The following ABR variants were observed in gnomAD, a reference collection of about 807,000 sequenced individuals.
The protein encoded by ABR is active breakpoint cluster region-related protein.
A neutral mutation model predicts 107.2 loss-of-function variants in ABR; 35 were observed. That is an observed-to-expected ratio of 0.33 (90% CI 0.25 to 0.43). The LOEUF (loss-of-function observed/expected upper bound fraction) is 0.43. Among genes scored for constraint, ABR ranks in the 20% least tolerant of loss-of-function variants. The probability of loss-of-function intolerance (pLI) is 1.00; values close to 1 mark genes in which losing one functional copy is unlikely to be tolerated. For missense variants in ABR, 815 were observed against 1,115.2 expected (o/e 0.73, Z 3.83); for synonymous variants, 498 against 462.0 (o/e 1.08, Z -1.00).
chr17:1,173,689 G>A (rs924708067), intron 1 of ABR, among the ~76,000 whole-genome samples: 2 of 152,084 alleles, frequency 1.3e-5, no homozygotes, highest in Non-Finnish European at 2.9e-5. Context: ...AAGGAGCCAA[G>A]AACTCGAGTT....
At position 1,157,249 on chromosome 17, in the gene ABR, CT is replaced by C. The variant is rs545131491; in HGVS notation, c.61+22417del. ...GTCAGTCGTGCTACAGCGCACATTA[CT>C]TTTTTTTTTTTTTTTTTTGAGATGA... is the stretch of plus-strand genomic sequence containing the variant. On this transcript the variant is annotated intron_variant, in intron 1 of 22. Coordinates refer to ENST00000302538, the MANE Select transcript of ABR (RefSeq NM_021962.5). The surrounding 1 kb of genome is among the most constrained non-coding windows in gnomAD (Gnocchi z 4.7). 0.44 allele frequency among the ~76,000 whole-genome samples: 53,930 copies of C among 121,632 alleles called. 10,586 individuals are homozygous for C. The highest frequency in any genetic ancestry group is 0.52 in the East Asian group (2,113 of 4,072). 79.8% of individuals were successfully genotyped at this position (121,632 alleles called of 152,430 possible).
intron 4 of ABR, 34 bp from the exon 5 acceptor site, chr17:1,083,661 AG>A: frequency 2.1e-6 from 2 of 952,098 alleles, no homozygotes; most frequent in Non-Finnish European, 3.3e-6. Context: ...GAGGGAGAGG[AG>A]GGTGGGAGGG....
chr17:1,031,540 CG>C, intron 16 of ABR: 4 of 498,472 alleles, frequency 8.0e-6, no homozygotes, highest in Admixed American at 4.9e-5. Context: ...CGCAGCCCCC[CG>C]AGCCCCGCAG....
chr17:1,149,592 A>G lies in ABR; in HGVS notation c.62-24225T>C, dbSNP rs191228966. ...ACCACCACACCCAGCTAATTTTTGTATTTTTAGTAGAGATGGGGTTTCACC... is the reference window on the plus strand; with the variant it reads ...ACCACCACACCCAGCTAATTTTTGTGTTTTTAGTAGAGATGGGGTTTCACC... On this transcript the variant is annotated intron_variant, in intron 1 of 22. Coordinates refer to ENST00000302538, the MANE Select transcript of ABR (RefSeq NM_021962.5). Among the ~76,000 whole-genome samples, 480 of 151,882 alleles carry G rather than the reference A, an allele frequency of 3.2e-3. 3 individuals carry two copies. The highest frequency in any genetic ancestry group is 0.011 in the African/African-American group (453 of 41,428).
At chr17:1,171,156 G>A (rs569814488) in intron 1 of ABR, among the ~76,000 whole-genome samples, 4 of 152,330 alleles carry the variant, frequency 2.6e-5, no homozygotes, top group South Asian at 2.1e-4. Context: ...CACAAGTGAC[G>A]AAGTCAATTG....
Position 1,011,913 on chromosome 17 carries a change from C to G in ABR, c.2034G>C (p.Glu678Asp). 2 of 1,611,632 alleles carry G rather than the reference C, an allele frequency of 1.2e-6. No individual in the cohort carries two copies. Among genetic ancestry groups the G allele is most frequent in the Non-Finnish European group, 1.7e-6 (2 of 1,178,122 alleles). Residue 678 changes from glutamate to aspartate, a missense_variant, in exon 19 of 23, where the codon GAG becomes GAC. By Grantham distance (45) the Glu-to-Asp change is conservative. This residue lies in a region of ABR where 175 missense variants were observed against 284.3 expected (regional missense o/e 0.62). Transcript: ENST00000302538. This position sits in a 1 kb window ranked among gnomAD's most constrained non-coding sequence, Gnocchi z 4.8. ...CGCCCGATATCCTGTAGATGCCAAC[C>G]TCCTCGATACCCCTCTTCTCCACCT... ...VEEVEKRGIE[E>D]VGIYRISGVA...
chr17:1,009,814 T>C (rs1437121329), intron 20 of ABR, 30 bp from the exon 21 acceptor site: 2 of 1,596,846 alleles, frequency 1.3e-6, no homozygotes, highest in Admixed American at 1.7e-5. Flanking sequence ...GTGTGGCGTT[T>C]GGCTCCTGGG....
chr17:1,049,726 C>T (rs756210614), intron 16 of ABR, among the ~76,000 whole-genome samples: 12 of 152,242 alleles, frequency 7.9e-5, no homozygotes, highest in South Asian at 4.1e-4. Flanking sequence ...CGTTCACCGA[C>T]GCAGCCTCTG....
rs1322497200 is a variant in ABR at position 1,200,830 on chromosome 17, T to G, written c.838+27963A>C. 6.6e-6 allele frequency among the ~76,000 whole-genome samples: 1 copy of G among 152,124 alleles called. No individual in the cohort carries two copies. Among genetic ancestry groups the G allele is most frequent in the Non-Finnish European group, 1.5e-5 (1 of 68,026 alleles). On this transcript the variant is annotated intron_variant, in intron 1 of 22. Transcript: ENST00000574139. This position sits in a 1 kb window ranked among gnomAD's most constrained non-coding sequence, Gnocchi z 4.1. The stretch of plus-strand genomic sequence containing the variant: ...GGGACACCAGAGATAAAGCCTCATC[T>G]ATAACATCCCCAGTAAAAAGCTGAG...
At chr17:1,193,546 C>T (rs987625042) in intron 1 of ABR, among the ~76,000 whole-genome samples, 7 of 152,158 alleles carry the variant, frequency 4.6e-5, no homozygotes, top group South Asian at 2.1e-4. Context: ...TTGTACCTGG[C>T]CACCAGTCCT....
At chr17:1,114,705 G>A (rs559647595) in intron 2 of ABR, among the ~76,000 whole-genome samples, 12 of 151,982 alleles carry the variant, frequency 7.9e-5, no homozygotes, top group African/African-American at 2.7e-4. Flanking sequence ...CCCAGGAGGC[G>A]GAGGTTGCAG....
At chr17:1,036,967 CTA>C (rs1015959132) in intron 16 of ABR, among the ~76,000 whole-genome samples, 35 of 152,250 alleles carry the variant, frequency 2.3e-4, no homozygotes, top group Middle Eastern at 3.4e-3. Context: ...ACCCTAGGAG[CTA>C]TGTTTGTTTC....
At chr17:1,035,794 C>T (rs902319885) in intron 16 of ABR, among the ~76,000 whole-genome samples, 8 of 149,874 alleles carry the variant, frequency 5.3e-5, no homozygotes, top group African/African-American at 2.0e-4. Flanking sequence ...TCCCCAGGCT[C>T]TCTGCAAGGG....
chr17:1,229,558 G>A (rs2043297167), exon 1 of ABR, among the ~76,000 whole-genome samples: 1 of 152,004 alleles, frequency 6.6e-6, no homozygotes, highest in Admixed American at 6.6e-5. Flanking sequence ...ACCGACTCCA[G>A]CCTCGGGACC....
chr17:1,047,348 C>T (rs919070925), intron 16 of ABR, among the ~76,000 whole-genome samples: 13 of 152,250 alleles, frequency 8.5e-5, no homozygotes, highest in Non-Finnish European at 1.6e-4. Context: ...TCCGTGGCTC[C>T]GTGGGGCCCG....
intron 6 of ABR, among the ~76,000 whole-genome samples, chr17:1,077,958 G>A (rs565181008): frequency 1.3e-5 from 2 of 152,282 alleles, no homozygotes; most frequent in East Asian, 3.9e-4. Context: ...ACGGGCTTCT[G>A]GACACCTCCC....
At chr17:1,220,968 G>T (rs549992738) in intron 1 of ABR, among the ~76,000 whole-genome samples, 1 of 152,216 alleles carries the variant, frequency 6.6e-6, no homozygotes, top group South Asian at 2.1e-4. Context: ...CATGTAAAAG[G>T]CTACTGCCTT....
chr17:1,225,917 C>T (rs1224165333), intron 1 of ABR, among the ~76,000 whole-genome samples: 1 of 152,150 alleles, frequency 6.6e-6, no homozygotes, highest in South Asian at 2.1e-4. Flanking sequence ...TGGTTTAATT[C>T]CGTGTTTTCA....
At chr17:1,026,279 C>A (rs1003479743) in intron 16 of ABR, among the ~76,000 whole-genome samples, 1 of 152,246 alleles carries the variant, frequency 6.6e-6, no homozygotes, top group Non-Finnish European at 1.5e-5. Context: ...ACCGGCCTGG[C>A]GCCCTGTCTT....
Sources: allele counts gnomAD v4.1 joint callset (sites outside exome capture counted in the v4.1 genomes callset), GRCh38; gene constraint gnomAD v4.1.1; regional missense constraint gnomAD v4.1.1; non-coding constraint Gnocchi (gnomAD v3.1); transcripts MANE v1.5; gene names NCBI Gene and HGNC (gene_info 2026-07-23, HGNC 2026-07-21).